STYK1: variants seen among roughly 807,000 people sequenced by gnomAD.
The protein encoded by STYK1 is tyrosine-protein kinase STYK1.
In STYK1, 46 loss-of-function variants were observed where a neutral mutation model predicts 48.1. The ratio of observed to expected loss-of-function variants is 0.96; its 90% CI spans 0.75 to 1.22. The LOEUF is 1.22. STYK1 is among the 50% of genes most tolerant of loss of function. The pLI is 0.00. For missense variants in STYK1, 527 were observed against 521.1 expected (o/e 1.01, Z -0.11); for synonymous variants, 188 against 189.0 (o/e 0.99, Z 0.04).
intron 7 of STYK1, 90 bp downstream of exon 7, chr12:10,627,551 C>T: frequency 8.2e-7 from 1 of 1,219,820 alleles, no homozygotes; most frequent in Non-Finnish European, 1.2e-6. Flanking sequence ...ATACACACCA[C>T]TTGAGAATAT....
In STYK1 at chr12:10,631,276, T is replaced by C. The variant is rs781657250; in HGVS notation, c.220A>G (p.Ser74Gly). Reference sequence around the variant, plus strand: ...TTTCCTCCATGTCCTGCTTCCCAGCTTAGGTCCCTAGGTGGAGGAACAGGG... The same window carrying C: ...TTTCCTCCATGTCCTGCTTCCCAGCCTAGGTCCCTAGGTGGAGGAACAGGG... ...IAPVPPPRDL[S>G]WEAGHGGNVA... is the part of the protein sequence containing the mutation. Residue 74 changes from serine to glycine, a missense_variant, in exon 5 of 11, where the codon AGC becomes GGC. Transcript: ENST00000075503. 6.2e-6 allele frequency: 10 copies of C among 1,614,206 alleles called. No individual in the cohort carries two copies. Among genetic ancestry groups the C allele is most frequent in the Non-Finnish European group, 8.5e-6 (10 of 1,180,024 alleles).
intron 1 of STYK1, among the ~76,000 whole-genome samples, chr12:10,649,197 TA>T (rs150925300): frequency 3.3e-5 from 5 of 151,348 alleles, no homozygotes; most frequent in Admixed American, 6.6e-5. Context: ...GAGATGTAAA[TA>T]AAAAAAAATC....
At position 10,634,261 on chromosome 12, in the gene STYK1, T is replaced by G. The variant is rs886555571; in HGVS notation, c.53-137A>C. The G allele has an allele frequency of 4.7e-6, 5 of 1,061,838 alleles. No individual in the cohort carries two copies. The Admixed American group carries it at 1.0e-4, about 21-fold the overall frequency. The allele number at this position is 1,061,838 out of a possible 1,614,324, so 65.8% of individuals were successfully genotyped here. Reference sequence around the variant, plus strand: ...CTTCTACCATCTCCTCTACTTCCATTCAACAGAAACACTGCTGGGAGCAAC... The same window carrying G: ...CTTCTACCATCTCCTCTACTTCCATGCAACAGAAACACTGCTGGGAGCAAC... On this transcript the variant is annotated intron_variant, in intron 3 of 10. Coordinates refer to ENST00000075503, the MANE Select transcript of STYK1 (RefSeq NM_018423.3).
In STYK1 at chr12:10,620,169, A is replaced by G. The variant is rs768060438; in HGVS notation, c.1244T>C (p.Leu415Pro). 2.5e-6 allele frequency: 4 copies of G among 1,614,230 alleles called. 1 individual carries two copies. The South Asian group carries it at 4.4e-5, about 18-fold the overall frequency. Reference sequence around the variant, plus strand: ...TCAAAGCATGCTATAGTTGTAGAAGAGGCTCTCCACTCTGATGCCGGCCAC... The same window carrying G: ...TCAAAGCATGCTATAGTTGTAGAAGGGGCTCTCCACTCTGATGCCGGCCAC... ...AAVAGIRVESLFYNYSML is the reference protein window; with the variant it reads ...AAVAGIRVESPFYNYSML Residue 415 changes from leucine (L) to proline (P), a missense_variant, in exon 11 of 11, where the codon CTC becomes CCC. Transcript: ENST00000075503.
intron 5 of STYK1, 60 bp from the exon 6 acceptor site, chr12:10,629,734 C>A: frequency 6.3e-7 from 1 of 1,598,826 alleles, no homozygotes. Flanking sequence ...GAGTGGGAGG[C>A]AGGGAGCAGG....
chr12:10,634,240 T>C (rs1303562445), intron 3 of STYK1, 116 bp from the exon 4 acceptor site: 8 of 1,200,436 alleles, frequency 6.7e-6, no homozygotes, highest in Non-Finnish European at 9.4e-6. Context: ...TCATCTCTTC[T>C]ACCATCTCCT....
chr12:10,662,018 C>G (rs751592994), intron 1 of STYK1, among the ~76,000 whole-genome samples: 1 of 152,306 alleles, frequency 6.6e-6, no homozygotes, highest in Non-Finnish European at 1.5e-5. Flanking sequence ...TCATTCCCTA[C>G]TCTGCTCCCT....
At chr12:10,627,009 AAAATAAAT>A (rs139730041) in intron 7 of STYK1, among the ~76,000 whole-genome samples, 1 of 152,208 alleles carries the variant, frequency 6.6e-6, no homozygotes, top group Admixed American at 6.5e-5. Context: ...TCCATCTCAA[AAAATAAAT>A]AAATAAATAA....
chr12:10,630,351 A>T, intron 5 of STYK1, among the ~76,000 whole-genome samples: 1 of 134,644 alleles, frequency 7.4e-6, no homozygotes, highest in Non-Finnish European at 1.5e-5. Context: ...GCACCATTGC[A>T]CTCTAGCCTG....
At chr12:10,629,701 T>G (rs926018835) in intron 5 of STYK1, 27 bp from the exon 6 acceptor site, 1 of 1,613,840 alleles carries the variant, frequency 6.2e-7, no homozygotes, top group Non-Finnish European at 8.5e-7. Context: ...ATCCAGGCAG[T>G]GAGCAGTCAG....
chr12:10,625,711 A>C (rs1364569519), intron 7 of STYK1, among the ~76,000 whole-genome samples: 4 of 152,200 alleles, frequency 2.6e-5, no homozygotes, highest in African/African-American at 9.7e-5. Context: ...AGTGACCAGA[A>C]CCAGGTATTA....
At chr12:10,638,169 T>C (rs1316239562) in intron 1 of STYK1, among the ~76,000 whole-genome samples, 2 of 152,240 alleles carry the variant, frequency 1.3e-5, no homozygotes, top group Admixed American at 6.5e-5. Context: ...ATAAATATGT[T>C]TGATAGTTGT....
chr12:10,662,491 A>C (rs548551938), intron 1 of STYK1, among the ~76,000 whole-genome samples: 3 of 152,344 alleles, frequency 2.0e-5, no homozygotes, highest in Admixed American at 2.0e-4. Flanking sequence ...TTTATAAGGA[A>C]TCCAGTGTCT....
At chr12:10,663,451 T>C (rs919820110) in intron 1 of STYK1, among the ~76,000 whole-genome samples, 7 of 151,224 alleles carry the variant, frequency 4.6e-5, no homozygotes, top group African/African-American at 1.7e-4. Flanking sequence ...TACAAAAAAT[T>C]AGCCAGGCGC....
intron 4 of STYK1, among the ~76,000 whole-genome samples, chr12:10,632,340 T>G (rs1403440256): frequency 6.6e-6 from 1 of 152,164 alleles, no homozygotes; most frequent in East Asian, 1.9e-4. Context: ...GAGCAAACCA[T>G]GCTGGTGTCA....
At chr12:10,666,741 C>T (rs1284190153) in intron 1 of STYK1, among the ~76,000 whole-genome samples, 1 of 152,190 alleles carries the variant, frequency 6.6e-6, no homozygotes, top group Non-Finnish European at 1.5e-5. Context: ...GGGCTCTTCC[C>T]CCTTTGCTTC....
chr12:10,661,340 G>A (rs1947774765), intron 1 of STYK1, among the ~76,000 whole-genome samples: 1 of 152,112 alleles, frequency 6.6e-6, no homozygotes, highest in African/African-American at 2.4e-5. Flanking sequence ...CAAGTAAGAT[G>A]GCAAAATTTA....
chr12:10,634,216 C>T, intron 3 of STYK1, 92 bp from the exon 4 acceptor site: 2 of 1,440,546 alleles, frequency 1.4e-6, no homozygotes, highest in South Asian at 2.7e-5. Flanking sequence ...CTCAGCTCAT[C>T]ATACATGAAA....
In STYK1 at chr12:10,664,634, T is replaced by TCCTAAGGTCATA. The variant is rs542446147; in HGVS notation, c.-195+9320_-195+9331dup. On this transcript the variant is annotated intron_variant, in intron 1 of 10. Coordinates refer to ENST00000075503, the MANE Select transcript of STYK1 (RefSeq NM_018423.3). ...TTTATTGTCCGTCTGTTTGTAGATATCCTAAGGTCATACTTTTATGACCTT... is the reference window on the plus strand; with the variant it reads ...TTTATTGTCCGTCTGTTTGTAGATATCCTAAGGTCATACCTAAGGTCATACTTTTATGACCTT... 1.8e-4 allele frequency among the ~76,000 whole-genome samples: 27 copies of TCCTAAGGTCATA among 152,344 alleles called. No homozygotes were observed. In the South Asian group the frequency reaches 5.4e-3, roughly 30 times the overall value.
Sources: gnomAD v4.1 joint callset for allele counts (sites outside exome capture counted in the v4.1 genomes callset) on GRCh38, gnomAD v4.1.1 for gene constraint, MANE v1.5 for transcripts, NCBI Gene and HGNC (gene_info 2026-07-23, HGNC 2026-07-21) for gene names.